Variants in MAPKAP1 observed in about 807,000 individuals in gnomAD.
The protein encoded by MAPKAP1 is target of rapamycin complex 2 subunit MAPKAP1.
A neutral mutation model predicts 65.7 loss-of-function variants in MAPKAP1; 20 were observed. That is an observed-to-expected ratio of 0.30 (90% CI 0.21 to 0.44). The LOEUF (loss-of-function observed/expected upper bound fraction) is 0.44. Ranked by LOEUF, MAPKAP1 falls within the 20% of genes least tolerant of loss-of-function variation. The pLI is 1.00. For synonymous variants in MAPKAP1, 222 were observed against 244.3 expected, an observed-to-expected ratio of 0.91 and a Z score of 0.85; for missense variants, 423 against 648.0, an observed-to-expected ratio of 0.65 and a Z score of 3.77.
chr9:125,488,771 T>C (rs1303225076), intron 8 of MAPKAP1, among the ~76,000 whole-genome samples: 2 of 152,156 alleles, frequency 1.3e-5, no homozygotes, highest in African/African-American at 4.8e-5. Flanking sequence ...TGGGGGACAC[T>C]GGTGAGGATA....
intron 5 of MAPKAP1, chr9:125,567,990 T>G (rs1009537834): frequency 6.6e-6 from 1 of 152,338 alleles, no homozygotes; most frequent in African/African-American, 2.4e-5. Flanking sequence ...TTGGACAACT[T>G]TGGGTAAGTA....
chr9:125,610,572 A>G (rs1258858812), intron 4 of MAPKAP1, among the ~76,000 whole-genome samples: 1 of 152,180 alleles, frequency 6.6e-6, no homozygotes, highest in Non-Finnish European at 1.5e-5. Flanking sequence ...TACCCTCCTC[A>G]CAACCCACCA....
In MAPKAP1 at chr9:125,447,238, G is replaced by C. The variant is rs1377875116; in HGVS notation, c.1346-2640C>G. ...CAGCACCCATCTGAGGAAGAGTGAA[G>C]CAGGTGAGGAGGAGGAAGAGTCCCA... On this transcript the variant is annotated intron_variant, in intron 10 of 11. Coordinates refer to ENST00000265960, the MANE Select transcript of MAPKAP1 (RefSeq NM_001006617.3). This position sits in a 1 kb window ranked among gnomAD's most constrained non-coding sequence, Gnocchi z 4.5. 2.7e-6 allele frequency: 1 copy of C among 371,292 alleles called. No individual in the cohort carries two copies. The highest frequency in any genetic ancestry group is 5.5e-6 in the Non-Finnish European group (1 of 182,174). 23.0% of individuals were successfully genotyped at this position (371,292 alleles called of 1,614,324 possible). A position where few individuals can be genotyped will look rare whatever the true frequency, so the allele number is the denominator to read the frequency against.
chr9:125,459,111 C>T (rs1188562732), intron 10 of MAPKAP1, among the ~76,000 whole-genome samples: 1 of 144,754 alleles, frequency 6.9e-6, no homozygotes, highest in Non-Finnish European at 1.5e-5. Context: ...GGCGGCCGGG[C>T]AGAGACGCTC....
chr9:125,466,029 T>C (rs772013416), intron 10 of MAPKAP1, among the ~76,000 whole-genome samples: 5 of 152,232 alleles, frequency 3.3e-5, no homozygotes. Context: ...TGTCAGCTGC[T>C]TGCCAATGTC....
At chr9:125,641,883 T>C (rs1322815888) in intron 4 of MAPKAP1, among the ~76,000 whole-genome samples, 2 of 151,990 alleles carry the variant, frequency 1.3e-5, no homozygotes, top group African/African-American at 4.8e-5. Context: ...AATACAAAAA[T>C]TAGCCAGGCA....
chr9:125,584,441 A>G (rs919959152), intron 5 of MAPKAP1, among the ~76,000 whole-genome samples: 1 of 152,164 alleles, frequency 6.6e-6, no homozygotes, highest in African/African-American at 2.4e-5. Flanking sequence ...GAACATCTCC[A>G]TGAAAATCCT....
At chr9:125,662,441 T>C (rs1476137049) in intron 3 of MAPKAP1, among the ~76,000 whole-genome samples, 1 of 152,188 alleles carries the variant, frequency 6.6e-6, no homozygotes, top group Admixed American at 6.5e-5. Context: ...CCCAGCACTT[T>C]GGGAGGCCGA....
chr9:125,480,792 G>A (rs1854280510), intron 9 of MAPKAP1, among the ~76,000 whole-genome samples: 2 of 151,748 alleles, frequency 1.3e-5, no homozygotes, highest in East Asian at 3.9e-4. Flanking sequence ...CTAACATGGT[G>A]AAACCCCGTC....
chr9:125,580,148 A>C (rs1218820626), intron 5 of MAPKAP1, among the ~76,000 whole-genome samples: 1 of 152,230 alleles, frequency 6.6e-6, no homozygotes, highest in Admixed American at 6.5e-5. Flanking sequence ...AGGATCTAGA[A>C]CTAGAAATAC....
chr9:125,693,030 A>G (rs1307479210), intron 1 of MAPKAP1, among the ~76,000 whole-genome samples: 1 of 152,154 alleles, frequency 6.6e-6, no homozygotes, highest in Non-Finnish European at 1.5e-5. Context: ...ACCCTCACAC[A>G]CTGGAGCAGT....
chr9:125,503,938 T>C (rs1439204907), intron 8 of MAPKAP1, among the ~76,000 whole-genome samples: 2 of 140,658 alleles, frequency 1.4e-5, no homozygotes, highest in African/African-American at 5.4e-5. Flanking sequence ...GGGTTTGCCA[T>C]GTTGGCCAGG....
intron 8 of MAPKAP1, among the ~76,000 whole-genome samples, chr9:125,489,855 T>C (rs553918477): frequency 1.4e-4 from 21 of 152,076 alleles, no homozygotes; most frequent in African/African-American, 4.1e-4. Flanking sequence ...AGTACAGAGA[T>C]AGAGATTCAA....
chr9:125,564,592 G>A (rs1015029304), intron 5 of MAPKAP1, among the ~76,000 whole-genome samples: 8 of 152,094 alleles, frequency 5.3e-5, no homozygotes, highest in Non-Finnish European at 1.0e-4. Context: ...CCTCACTCAC[G>A]TCCCCTTGTT....
At chr9:125,605,085 C>T (rs1480643077) in intron 4 of MAPKAP1, among the ~76,000 whole-genome samples, 2 of 152,146 alleles carry the variant, frequency 1.3e-5, no homozygotes, top group African/African-American at 4.8e-5. Flanking sequence ...AAAGATACTG[C>T]TATGCATAGT....
At chr9:125,478,620 C>CT (rs1413588675) in intron 9 of MAPKAP1, among the ~76,000 whole-genome samples, 3 of 152,120 alleles carry the variant, frequency 2.0e-5, no homozygotes, top group African/African-American at 7.2e-5. Flanking sequence ...CTGAGCCATC[C>CT]TGCCCAGTCT....
At chr9:125,613,618 T>C (rs1387694939) in intron 4 of MAPKAP1, among the ~76,000 whole-genome samples, 1 of 152,038 alleles carries the variant, frequency 6.6e-6, no homozygotes. Flanking sequence ...CAGATGCTAA[T>C]CCAGAAAACA....
chr9:125,487,310 A>G (rs1854527073), intron 8 of MAPKAP1, among the ~76,000 whole-genome samples: 1 of 145,642 alleles, frequency 6.9e-6, no homozygotes, highest in Admixed American at 7.0e-5. Context: ...TAGGATTTGG[A>G]GTTTCAAATA....
At chr9:125,686,199 T>G (rs1189110175) in intron 1 of MAPKAP1, among the ~76,000 whole-genome samples, 1 of 150,350 alleles carries the variant, frequency 6.7e-6, no homozygotes, top group Non-Finnish European at 1.5e-5. Context: ...GGTGGGCGCC[T>G]GTACTCCCAG....
Sources: gnomAD v4.1 joint callset for allele counts (sites outside exome capture counted in the v4.1 genomes callset) on GRCh38, gnomAD v4.1.1 for gene constraint, Gnocchi (gnomAD v3.1) non-coding constraint, MANE v1.5 for transcripts, NCBI Gene and HGNC (gene_info 2026-07-23, HGNC 2026-07-21) for gene names.